FIP1L1: variants seen among roughly 807,000 people sequenced by gnomAD.
FIP1L1 encodes pre-mRNA 3'-end-processing factor FIP1.
A neutral mutation model predicts 84.6 loss-of-function variants in FIP1L1; 21 were observed. The observed-to-expected ratio is 0.25, with a 90% CI of 0.18 to 0.36. FIP1L1 has a LOEUF of 0.36. Among genes scored for constraint, FIP1L1 ranks in the 10% least tolerant of loss-of-function variants. The pLI, the probability that FIP1L1 is intolerant of heterozygous loss-of-function variation, is 1.00. For missense variants in FIP1L1, 526 were observed against 751.1 expected (o/e 0.70, Z 3.50); for synonymous variants, 263 against 242.3 (o/e 1.09, Z -0.80).
At chr4:53,456,462 T>C (rs948028086) in intron 16 of FIP1L1, among the ~76,000 whole-genome samples, 6 of 152,140 alleles carry the variant, frequency 3.9e-5, no homozygotes, top group African/African-American at 1.2e-4. Context: ...GGAGGAATTT[T>C]GAGTTGTTCT....
chr4:53,453,190 T>C (rs1240766204), intron 16 of FIP1L1, 57 bp downstream of exon 16: 11 of 1,592,226 alleles, frequency 6.9e-6, no homozygotes, highest in Non-Finnish European at 9.4e-6. Flanking sequence ...TACAAATTTA[T>C]TTTCGTTATG....
chr4:53,407,616 G>T (rs1754404755), intron 10 of FIP1L1, among the ~76,000 whole-genome samples: 1 of 149,764 alleles, frequency 6.7e-6, no homozygotes, highest in South Asian at 2.2e-4. Flanking sequence ...GGGGTGTTAA[G>T]TCTCCCATTT....
At chr4:53,396,132 T>C (rs1272533209) in intron 9 of FIP1L1, among the ~76,000 whole-genome samples, 2 of 152,148 alleles carry the variant, frequency 1.3e-5, no homozygotes, top group Non-Finnish European at 2.9e-5. Flanking sequence ...TTGGCCAGGC[T>C]GGTCTCTAAC....
At chr4:53,395,583 G>T (rs1365560208) in intron 9 of FIP1L1, among the ~76,000 whole-genome samples, 3 of 152,272 alleles carry the variant, frequency 2.0e-5, no homozygotes, top group South Asian at 2.1e-4. Context: ...TGCTAAAGAT[G>T]ATATAGTTAT....
chr4:53,422,804 T>C (rs1207254843), intron 11 of FIP1L1, among the ~76,000 whole-genome samples: 2 of 152,012 alleles, frequency 1.3e-5, no homozygotes, highest in African/African-American at 4.8e-5. Flanking sequence ...ATCCTTCATC[T>C]CCTGGACTCA....
Position 53,453,075 on chromosome 4 carries a change from C to T in FIP1L1, c.1441C>T (p.Arg481Cys), listed in dbSNP as rs143186301. The stretch of plus-strand genomic sequence containing the variant: ...CCGTGATCGGGACAGAGAAAGAGAA[C>T]GCACCAGAGAGAGAGAGAGGGAGCG... ...RDRDRDRERE[R>C]TRERERERDH... Residue 481 changes from arginine to cysteine, a missense_variant, in exon 16 of 18, where the codon CGC (arginine) becomes TGC (cysteine). Arg to Cys is a radical substitution (Grantham distance 180). Transcript: ENST00000337488. The T allele has an allele frequency of 1.9e-6, 3 of 1,613,046 alleles. No individual in the cohort carries two copies. The highest frequency in any genetic ancestry group is 1.7e-6 in the Non-Finnish European group (2 of 1,179,328).
intron 9 of FIP1L1, among the ~76,000 whole-genome samples, chr4:53,395,168 G>A (rs1165476410): frequency 6.6e-6 from 1 of 152,148 alleles, no homozygotes; most frequent in Non-Finnish European, 1.5e-5. Flanking sequence ...GTAATCTTGA[G>A]TGTAACATCT....
intron 11 of FIP1L1, 64 bp from the exon 12 acceptor site, chr4:53,425,808 G>T (rs192794988): frequency 8.5e-7 from 1 of 1,179,306 alleles, no homozygotes; most frequent in Non-Finnish European, 1.2e-6. Flanking sequence ...ATTTCTCACT[G>T]CTTTTATTAT....
chr4:53,382,211 T>G (rs2149275721), intron 3 of FIP1L1, 67 bp from the exon 4 acceptor site: 1 of 1,079,168 alleles, frequency 9.3e-7, no homozygotes, highest in Non-Finnish European at 1.4e-6. Flanking sequence ...TTAGAAATAC[T>G]AATATAATCT....
rs1736479526 is a variant in FIP1L1 at position 53,379,242 on chromosome 4, A to G, written c.148A>G (p.Arg50Gly). Reference sequence around the variant, plus strand: ...CTTGGTAGATGAAAATGAAGTTGAAAGGCCAGAAGAAGAAAATGCCAGGTT... The same window carrying G: ...CTTGGTAGATGAAAATGAAGTTGAAGGGCCAGAAGAAGAAAATGCCAGGTT... Reference protein sequence around the residue: ...AKDLDENEVERPEEENASANP... With the variant: ...AKDLDENEVEGPEEENASANP... Residue 50 changes from arginine to glycine, a missense_variant, in exon 3 of 18, where the codon AGG becomes GGG. Physicochemically the swap from Arg to Gly is moderately radical, Grantham distance 125 (BLOSUM62 -2). Around this residue, in one of 6 missense-constraint regions of FIP1L1, gnomAD observed 100 missense variants for 107.2 expected, o/e 0.93. Coordinates refer to ENST00000337488, the MANE Select transcript of FIP1L1 (RefSeq NM_030917.4). 1 of 1,601,394 alleles carries G rather than the reference A, an allele frequency of 6.2e-7. No homozygotes were observed. The highest frequency in any genetic ancestry group is 8.5e-7 in the Non-Finnish European group (1 of 1,176,862).
At chr4:53,404,694 G>C (rs2149558074) in intron 10 of FIP1L1, among the ~76,000 whole-genome samples, 1 of 152,206 alleles carries the variant, frequency 6.6e-6, no homozygotes, top group Admixed American at 6.5e-5. Flanking sequence ...ACTTTTTAAT[G>C]ATCGCCATTC....
In FIP1L1 at chr4:53,397,239, G is replaced by A. The variant is rs555970392; in HGVS notation, c.706-2491G>A. Reference sequence around the variant, plus strand: ...TTTCAAAGGATTCCTTTTTGTATGGGAACTTATAAGCAATCACACTATTGC... The same window carrying A: ...TTTCAAAGGATTCCTTTTTGTATGGAAACTTATAAGCAATCACACTATTGC... On this transcript the variant is annotated intron_variant, in intron 9 of 17. Transcript: ENST00000337488. Among the ~76,000 whole-genome samples the A allele has an allele frequency of 1.2e-4, 19 of 152,236 alleles. 1 individual carries two copies. The South Asian group carries it at 3.9e-3, about 32-fold the overall frequency.
chr4:53,400,805 T>C (rs1258044631), intron 10 of FIP1L1, among the ~76,000 whole-genome samples: 2 of 152,240 alleles, frequency 1.3e-5, no homozygotes, highest in Non-Finnish European at 2.9e-5. Context: ...TTAAGCTAAA[T>C]ATAATCTCAA....
chr4:53,406,924 C>T (rs1234737522), intron 10 of FIP1L1, among the ~76,000 whole-genome samples: 1 of 152,040 alleles, frequency 6.6e-6, no homozygotes, highest in Non-Finnish European at 1.5e-5. Context: ...GTCTTGCTAG[C>T]AGTCTATCAA....
At chr4:53,394,319 C>A (rs1483867569) in intron 9 of FIP1L1, among the ~76,000 whole-genome samples, 3 of 152,154 alleles carry the variant, frequency 2.0e-5, no homozygotes, top group African/African-American at 7.2e-5. Context: ...TGGCCATTCA[C>A]TCATGTAACG....
At chr4:53,405,086 G>T (rs1435721509) in intron 10 of FIP1L1, among the ~76,000 whole-genome samples, 10 of 152,180 alleles carry the variant, frequency 6.6e-5, no homozygotes, top group Non-Finnish European at 5.9e-5. Flanking sequence ...CCTTGCCCAT[G>T]CCTGTGTCCT....
At position 53,428,031 on chromosome 4, in the gene FIP1L1, T is replaced by C. The variant is rs748768222; in HGVS notation, c.1022T>C (p.Leu341Pro). The change falls in exon 13 of 18, where the codon CTT becomes CCT. Residue 341 changes from leucine to proline, a missense_variant. Leu to Pro is a moderately conservative substitution (Grantham distance 98). Transcript: ENST00000337488. ...TTAACTGTGCTCTAATTTTAGGTCCTTTCTGAAAGATCTGCTACTGAAGTA... is the reference window on the plus strand; with the variant it reads ...TTAACTGTGCTCTAATTTTAGGTCCCTTCTGAAAGATCTGCTACTGAAGTA... Reference protein sequence around the residue: ...RANENSNIQVLSERSATEVDN... With the variant: ...RANENSNIQVPSERSATEVDN... 6.2e-7 allele frequency: 1 copy of C among 1,603,038 alleles called. No homozygotes were observed. Among genetic ancestry groups the C allele is most frequent in the Admixed American group, 1.7e-5 (1 of 59,734 alleles).
chr4:53,459,628 T>A lies in FIP1L1; in HGVS notation c.*179T>A. 1 of 820,010 alleles carries A rather than the reference T, an allele frequency of 1.2e-6. No individual in the cohort carries two copies. Among genetic ancestry groups the A allele is most frequent in the East Asian group, 2.7e-5 (1 of 37,564 alleles). The allele number at this position is 820,010 out of a possible 1,614,324, so 50.8% of individuals were successfully genotyped here. A position where few individuals can be genotyped will look rare whatever the true frequency, so the allele number is the denominator to read the frequency against. On this transcript the variant is annotated 3_prime_UTR_variant, in exon 18 of 18. Coordinates refer to ENST00000337488, the MANE Select transcript of FIP1L1 (RefSeq NM_030917.4). ...TTTCATGTTAAGTTAAAAATCTTTGTCTTGTACTATTTCAAAAATAAAAAG... is the reference window on the plus strand; with the variant it reads ...TTTCATGTTAAGTTAAAAATCTTTGACTTGTACTATTTCAAAAATAAAAAG...
chr4:53,403,604 A>G (rs1181293979), intron 10 of FIP1L1, among the ~76,000 whole-genome samples: 2 of 152,184 alleles, frequency 1.3e-5, no homozygotes, highest in Admixed American at 6.5e-5. Flanking sequence ...TTTCCCTGCA[A>G]AAAGTTCTTA....
Sources: allele counts gnomAD v4.1 joint callset (sites outside exome capture counted in the v4.1 genomes callset), GRCh38; gene constraint gnomAD v4.1.1; regional missense constraint gnomAD v4.1.1; transcripts MANE v1.5; gene names NCBI Gene and HGNC (gene_info 2026-07-23, HGNC 2026-07-21).